Variants in GNG7 observed in about 807,000 individuals in gnomAD.
GNG7 encodes the protein guanine nucleotide-binding protein G(I)/G(S)/G(O) subunit gamma-7.
In GNG7, 1 loss-of-function variant was observed where a neutral mutation model predicts 4.0. The observed-to-expected ratio is 0.25, with a 90% confidence interval of 0.09 to 1.18. The LOEUF (loss-of-function observed/expected upper bound fraction) is 1.18, where lower values mean the gene tolerates loss of function less well. Among genes scored for constraint, GNG7 ranks in the 50% most tolerant of loss-of-function variants. The pLI, the probability that GNG7 is intolerant of heterozygous loss-of-function variation, is 0.50. For missense variants in GNG7, 86 were observed against 91.9 expected, an observed-to-expected ratio of 0.94 and a Z score of 0.26; for synonymous variants, 34 against 36.9, an observed-to-expected ratio of 0.92 and a Z score of 0.29.
chr19:2,588,504 G>A (rs773583956), intron 2 of GNG7, among the ~76,000 whole-genome samples: 3 of 152,314 alleles, frequency 2.0e-5, no homozygotes, highest in Admixed American at 1.3e-4. Context: ...CAAAGGGCCC[G>A]TTCCCCCGGC....
intron 2 of GNG7, chr19:2,641,827 G>GTTTTT (rs1982516268): frequency 3.0e-5 from 3 of 98,386 alleles, no homozygotes. Context: ...ACACCTGGCT[G>GTTTTT]GTTTTTTTTG....
intron 2 of GNG7, among the ~76,000 whole-genome samples, chr19:2,556,433 C>G (rs1979546544): frequency 6.6e-6 from 1 of 152,112 alleles, no homozygotes; most frequent in Admixed American, 6.5e-5. Flanking sequence ...CTGAAGGGCC[C>G]CTGTGGTCTC....
rs1259329649 is a variant in GNG7, at chr19:2,546,627, GCAGGT to G, written c.-38+8517_-38+8521del. On this transcript the variant is annotated intron_variant, in intron 3 of 4. Transcript: ENST00000382159. This position sits in a 1 kb window ranked among gnomAD's most constrained non-coding sequence, Gnocchi z 6.3. ...AGAAAGTGAAAAATAGACCAGCGGG[GCAGGT>G]CCCGCCGCTGCCTTCAGCCGGAGCT... is the stretch of plus-strand genomic sequence containing the variant. Among the ~76,000 whole-genome samples, 1 of 152,190 alleles carries G rather than the reference GCAGGT, an allele frequency of 6.6e-6. No homozygotes were observed. The highest frequency in any genetic ancestry group is 1.5e-5 in the Non-Finnish European group (1 of 68,020).
Position 2,626,054 on chromosome 19 carries a change from C to T in GNG7, c.-78+20170G>A, listed in dbSNP as rs977745754. The stretch of plus-strand genomic sequence containing the variant: ...CCACCCGCCTCGGCCTCCCAAAGTG[C>T]TGGGATGACAGGCGTGAGCCATGGC... On this transcript the variant is annotated intron_variant, in intron 2 of 4. Transcript: ENST00000382159. This position sits in a 1 kb window ranked among gnomAD's most constrained non-coding sequence, Gnocchi z 5.0. Among the ~76,000 whole-genome samples, 2 of 152,208 alleles carry T rather than the reference C, an allele frequency of 1.3e-5. No homozygotes were observed. Among genetic ancestry groups the T allele is most frequent in the African/African-American group, 4.8e-5 (2 of 41,446 alleles).
At chr19:2,657,399 T>TATATACATAC (rs1332253018) in intron 1 of GNG7, among the ~76,000 whole-genome samples, 4 of 80,736 alleles carry the variant, frequency 5.0e-5, no homozygotes, top group African/African-American at 2.5e-4. Flanking sequence ...TATATATATA[T>TATATACATAC]ACACATAATA....
intron 3 of GNG7, among the ~76,000 whole-genome samples, chr19:2,536,677 T>C (rs563619404): frequency 2.3e-4 from 35 of 152,258 alleles, no homozygotes; most frequent in Middle Eastern, 3.4e-3. Flanking sequence ...AGGACTTTCT[T>C]GGGCCGGAGA....
intron 3 of GNG7, chr19:2,538,665 T>C (rs1266709202): frequency 2.2e-6 from 1 of 454,370 alleles, no homozygotes; most frequent in East Asian, 7.1e-5. Context: ...GCATATATTT[T>C]ACTTACAAGG....
At chr19:2,592,835 G>A in intron 2 of GNG7, among the ~76,000 whole-genome samples, 1 of 142,850 alleles carries the variant, frequency 7.0e-6, no homozygotes. Context: ...AGAGAGGGAG[G>A]GAGGGAGAGA....
At position 2,677,597 on chromosome 19, in the gene GNG7, G is replaced by A. The variant is rs1201583100; in HGVS notation, c.-135+25049C>T. 5.3e-5 allele frequency among the ~76,000 whole-genome samples: 8 copies of A among 152,174 alleles called. No homozygotes were observed. In the South Asian group the frequency reaches 1.0e-3, roughly 20 times the overall value. On this transcript the variant is annotated intron_variant, in intron 1 of 4. Coordinates refer to ENST00000382159, the MANE Select transcript of GNG7 (RefSeq NM_052847.3). ...GAAACCAAGGGGGGCCCCAGCTCCT[G>A]CGATTCTCCTCCTCTCTCCCTCCCC...
chr19:2,547,769 ACT>A (rs973423113), intron 3 of GNG7, among the ~76,000 whole-genome samples: 19 of 151,888 alleles, frequency 1.3e-4, no homozygotes, highest in African/African-American at 4.6e-4. Flanking sequence ...CCTGGAACCC[ACT>A]CTGTTCCCAG....
chr19:2,597,537 C>A (rs1359604370), intron 2 of GNG7, among the ~76,000 whole-genome samples: 1 of 151,260 alleles, frequency 6.6e-6, no homozygotes, highest in Non-Finnish European at 1.5e-5. Flanking sequence ...GTGGAGGTTG[C>A]AGTGAGCCGA....
chr19:2,690,067 T>C (rs1913098315), intron 1 of GNG7, among the ~76,000 whole-genome samples: 1 of 152,078 alleles, frequency 6.6e-6, no homozygotes, highest in East Asian at 1.9e-4. Context: ...CAGGGCTTCC[T>C]TTGACTTTTT....
In GNG7 at chr19:2,611,554, A is replaced by G. The variant is rs1333063144; in HGVS notation, c.-78+34670T>C. On this transcript the variant is annotated intron_variant, in intron 2 of 4. Coordinates refer to ENST00000382159, the MANE Select transcript of GNG7 (RefSeq NM_052847.3). This position sits in a 1 kb window ranked among gnomAD's most constrained non-coding sequence, Gnocchi z 6.0. Reference sequence around the variant, plus strand: ...ATAATACCATTTAAAAATATCTCTTAGGCCGGGTGCAATGGCTCACGCCTG... The same window carrying G: ...ATAATACCATTTAAAAATATCTCTTGGGCCGGGTGCAATGGCTCACGCCTG... 6.6e-6 allele frequency: 1 copy of G among 152,196 alleles called. No individual in the cohort carries two copies. The highest frequency in any genetic ancestry group is 1.5e-5 in the Non-Finnish European group (1 of 68,042). 9.4% of individuals were successfully genotyped at this position (152,196 alleles called of 1,614,324 possible).
At position 2,662,230 on chromosome 19, in the gene GNG7, A is replaced by G. The variant is rs564685163; in HGVS notation, c.-134-15950T>C. Among the ~76,000 whole-genome samples the G allele has an allele frequency of 3.5e-4, 51 of 144,870 alleles. 2 individuals are homozygous for G. The South Asian group carries it at 0.011, about 32-fold the overall frequency. On this transcript the variant is annotated intron_variant, in intron 1 of 4. Coordinates refer to ENST00000382159, the MANE Select transcript of GNG7 (RefSeq NM_052847.3). ...AGCAGAGATTGCACCATTGCACTCC[A>G]GTCTGGGCGACAGAGCGAGACTCCA...
At chr19:2,560,919 T>C (rs1191883600) in intron 2 of GNG7, among the ~76,000 whole-genome samples, 1 of 150,088 alleles carries the variant, frequency 6.7e-6, no homozygotes, top group Non-Finnish European at 1.5e-5. Context: ...ATCGTACCAT[T>C]GCACTCCAGC....
At chr19:2,691,076 G>C (rs1006120076) in intron 1 of GNG7, among the ~76,000 whole-genome samples, 1 of 152,174 alleles carries the variant, frequency 6.6e-6, no homozygotes, top group South Asian at 2.1e-4. Flanking sequence ...GTGGTACGGG[G>C]TGCTGGTAAT....
chr19:2,619,933 A>T (rs1047472543), intron 2 of GNG7, among the ~76,000 whole-genome samples: 10 of 150,232 alleles, frequency 6.7e-5, no homozygotes, highest in Non-Finnish European at 1.5e-4. Context: ...TATCTCAATA[A>T]AGCTAATCCT....
intron 3 of GNG7, among the ~76,000 whole-genome samples, chr19:2,530,461 C>T (rs146405513): frequency 0.015 from 2,311 of 149,112 alleles, 20 homozygotes; most frequent in Middle Eastern, 0.029. Context: ...TGGCTCAAGC[C>T]TGTAATCCCA....
intron 2 of GNG7, among the ~76,000 whole-genome samples, chr19:2,556,583 C>G (rs544351317): frequency 1.3e-5 from 2 of 152,182 alleles, no homozygotes; most frequent in Non-Finnish European, 2.9e-5. Flanking sequence ...ACGACACTTT[C>G]TCAGCAGCCC....
Sources: gnomAD v4.1 joint callset for allele counts (sites outside exome capture counted in the v4.1 genomes callset) on GRCh38, gnomAD v4.1.1 for gene constraint, Gnocchi (gnomAD v3.1) non-coding constraint, MANE v1.5 for transcripts, NCBI Gene and HGNC (gene_info 2026-07-23, HGNC 2026-07-21) for gene names.